The following PCLO variants were observed in gnomAD, a reference collection of about 807,000 sequenced individuals.
The protein encoded by PCLO is protein piccolo.
In PCLO, 82 loss-of-function variants were observed where a neutral mutation model predicts 427.5. The observed-to-expected ratio is 0.19, with a 90% CI of 0.16 to 0.23. The LOEUF (loss-of-function observed/expected upper bound fraction) is 0.23, where lower values mean the gene tolerates loss of function less well. PCLO is among the 10% of genes least tolerant of loss of function. The probability of loss-of-function intolerance (pLI) is 1.00; values close to 1 mark genes in which losing one functional copy is unlikely to be tolerated. For synonymous variants in PCLO, 2,357 were observed against 2,155.4 expected, an observed-to-expected ratio of 1.09 and a Z score of -2.59; for missense variants, 6,239 against 6,115.9, an observed-to-expected ratio of 1.02 and a Z score of -0.67.
chr7:82,916,018 G>A lies in PCLO; in HGVS notation c.11968C>T (p.Pro3990Ser), dbSNP rs1367797715. The change falls in exon 7 of 25, where the codon CCT becomes TCT. Residue 3990 changes from proline to serine, a missense_variant. By Grantham distance (74) the Pro-to-Ser change is moderately conservative (BLOSUM62 -1). This residue lies in a region of PCLO where 680 missense variants were observed against 677.3 expected (regional missense o/e 1.00). Coordinates refer to ENST00000333891, the MANE Select transcript of PCLO (RefSeq NM_033026.6). ...GCAAATGTGTTATCCGTAGAAACAG[G>A]TGCTATCATAAGGGGTTGGTTGCGA... ...VIRNQPLMIA[P>S]VSTDNTFAVS... The A allele has an allele frequency of 6.2e-7, 1 of 1,612,736 alleles. No homozygotes were observed. Among genetic ancestry groups the A allele is most frequent in the Non-Finnish European group, 8.5e-7 (1 of 1,179,774 alleles).
intron 3 of PCLO, among the ~76,000 whole-genome samples, chr7:83,009,891 T>G (rs1313314129): frequency 6.6e-6 from 1 of 151,900 alleles, no homozygotes; most frequent in Non-Finnish European, 1.5e-5. Flanking sequence ...TACTAAAGAT[T>G]CTCTAAATAG....
At chr7:82,985,757 G>C (rs925846990) in intron 3 of PCLO, among the ~76,000 whole-genome samples, 1 of 151,694 alleles carries the variant, frequency 6.6e-6, no homozygotes, top group African/African-American at 2.4e-5. Flanking sequence ...AATGTGTAAG[G>C]GTAGAAAGTC....
Position 82,952,262 on chromosome 7 carries a change from T to G in PCLO, c.8691A>C (p.Val2897=), listed in dbSNP as rs759678931. 1.9e-6 allele frequency: 3 copies of G among 1,613,974 alleles called. No homozygotes were observed. Among genetic ancestry groups the G allele is most frequent in the Middle Eastern group, 1.6e-4 (1 of 6,062 alleles). Residue 2897 remains valine, a synonymous_variant, in exon 5 of 25, where the codon GTA becomes GTC. Transcript: ENST00000333891. The part of the protein sequence containing the change: ...TVSQGITDGE[V]VDLSTTKSHR... ...GAGACTTGGTTGTACTGAGATCCAC[T>G]ACTTCCCCATCAGTGATTCCCTGGG...
Position 83,155,442 on chromosome 7 carries a change from G to T in PCLO, c.1199C>A (p.Thr400Asn). 6.2e-7 allele frequency: 1 copy of T among 1,613,796 alleles called. No individual in the cohort carries two copies. The highest frequency in any genetic ancestry group is 8.5e-7 in the Non-Finnish European group (1 of 1,179,836). ...TGCTGGCCCTGGCTGTTGAGCTGGA[G>T]TCTTTCCAACTCCAGGAGGCTGAGC... is the stretch of plus-strand genomic sequence containing the variant. The part of the protein sequence containing the change: ...ALAQPPGVGK[T>N]PAQQPGPAKP... Residue 400 changes from threonine to asparagine, a missense_variant, in exon 2 of 25, where the codon ACT (threonine) becomes AAT (asparagine). Physicochemically the swap from Thr to Asn is moderately conservative, Grantham distance 65. This residue lies in a region of PCLO where 4,677 missense variants were observed against 4,468.4 expected (regional missense o/e 1.05). Coordinates refer to ENST00000333891, the MANE Select transcript of PCLO (RefSeq NM_033026.6).
At chr7:82,794,574 C>T (rs1278448212) in intron 22 of PCLO, among the ~76,000 whole-genome samples, 13 of 147,366 alleles carry the variant, frequency 8.8e-5, no homozygotes, top group African/African-American at 2.7e-4. Flanking sequence ...TGGGCTCAAG[C>T]GATGCCCCCT....
chr7:83,091,020 TGTTTTAATGAGC>T (rs1790364760), intron 3 of PCLO, among the ~76,000 whole-genome samples: 1 of 152,142 alleles, frequency 6.6e-6, no homozygotes, highest in Non-Finnish European at 1.5e-5. Context: ...GCCTAAATGA[TGTTTTAATGAGC>T]ATTGAAGTAT....
At chr7:82,941,139 G>T (rs1044841492) in intron 6 of PCLO, among the ~76,000 whole-genome samples, 1 of 151,270 alleles carries the variant, frequency 6.6e-6, no homozygotes, top group Non-Finnish European at 1.5e-5. Context: ...TTGTTCTTTA[G>T]GTGAAATTAA....
Position 82,801,585 on chromosome 7 carries a change from C to T in PCLO, c.14940G>A (p.Lys4980=). The T allele has an allele frequency of 6.4e-7, 1 of 1,572,390 alleles. No individual in the cohort carries two copies. Among genetic ancestry groups the T allele is most frequent in the African/African-American group, 1.3e-5 (1 of 74,212 alleles). ...TNLFPIPRIG[K]MGQNGQEPVK... is the part of the protein sequence containing the mutation. ...CAGGCTCTTGTCCATTCTGTCCCAT[C>T]TTCCCTCTGTTTAGAAATAAAATAA... is the stretch of plus-strand genomic sequence containing the variant. The change falls in exon 22 of 25, where the codon AAG becomes AAA. Residue 4980 remains lysine, a synonymous_variant. Coordinates refer to ENST00000333891, the MANE Select transcript of PCLO (RefSeq NM_033026.6).
At chr7:82,776,219 A>C (rs1295307693) in intron 22 of PCLO, among the ~76,000 whole-genome samples, 2 of 152,210 alleles carry the variant, frequency 1.3e-5, no homozygotes, top group Non-Finnish European at 2.9e-5. Context: ...GTTAAATATT[A>C]CTAGAGGTAG....
chr7:82,820,956 C>T (rs1190203210), intron 20 of PCLO: 1 of 1,228,756 alleles, frequency 8.1e-7, no homozygotes, highest in Non-Finnish European at 1.0e-6. Context: ...TTGGGACTTA[C>T]ATGGTGATGA....
At chr7:83,138,223 T>G (rs1791777058) in intron 2 of PCLO, among the ~76,000 whole-genome samples, 1 of 152,240 alleles carries the variant, frequency 6.6e-6, no homozygotes, top group Admixed American at 6.5e-5. Context: ...ATTATAAATT[T>G]CCAGGATTAG....
chr7:82,880,756 A>G (rs748318839), intron 9 of PCLO, among the ~76,000 whole-genome samples: 13 of 152,222 alleles, frequency 8.5e-5, no homozygotes, highest in Non-Finnish European at 1.8e-4. Context: ...CCCTGTTTTA[A>G]TGAAAGCAAT....
intron 3 of PCLO, among the ~76,000 whole-genome samples, chr7:83,107,311 A>C (rs1790882748): frequency 6.6e-6 from 1 of 152,190 alleles, no homozygotes; most frequent in East Asian, 1.9e-4. Flanking sequence ...CATTGGAGTT[A>C]AGTGTTGTAA....
chr7:83,006,750 T>C (rs1343874424), intron 3 of PCLO, among the ~76,000 whole-genome samples: 1 of 151,410 alleles, frequency 6.6e-6, no homozygotes, highest in African/African-American at 2.4e-5. Flanking sequence ...CAAAAAAGTC[T>C]CTATAATATT....
intron 10 of PCLO, among the ~76,000 whole-genome samples, chr7:82,867,027 T>G (rs1793111690): frequency 6.6e-6 from 1 of 152,162 alleles, no homozygotes; most frequent in Admixed American, 6.5e-5. Context: ...CATTTCTTTA[T>G]TTCTGTATTT....
intron 10 of PCLO, among the ~76,000 whole-genome samples, chr7:82,864,334 G>C (rs1257558101): frequency 6.6e-6 from 1 of 152,088 alleles, no homozygotes; most frequent in East Asian, 1.9e-4. Context: ...CTACTATGGA[G>C]TAGGAACATC....
At chr7:83,159,609 T>C (rs1792383603) in intron 1 of PCLO, among the ~76,000 whole-genome samples, 1 of 152,060 alleles carries the variant, frequency 6.6e-6, no homozygotes, top group South Asian at 2.1e-4. Context: ...CTTTCAAATG[T>C]TAGCAGAAAA....
intron 3 of PCLO, among the ~76,000 whole-genome samples, chr7:82,998,782 A>T (rs1392104532): frequency 6.6e-6 from 1 of 151,870 alleles, no homozygotes; most frequent in Admixed American, 6.6e-5. Flanking sequence ...ATTACAAGGA[A>T]TACTCAAAGA....
At chr7:82,867,313 T>A (rs1167303630) in intron 10 of PCLO, among the ~76,000 whole-genome samples, 1 of 152,214 alleles carries the variant, frequency 6.6e-6, no homozygotes, top group Non-Finnish European at 1.5e-5. Flanking sequence ...CATGACATTA[T>A]GTTTCCTATA....
Sources: gnomAD v4.1 joint callset for allele counts (sites outside exome capture counted in the v4.1 genomes callset) on GRCh38, gnomAD v4.1.1 for gene constraint, gnomAD v4.1.1 regional missense constraint, MANE v1.5 for transcripts, NCBI Gene and HGNC (gene_info 2026-07-23, HGNC 2026-07-21) for gene names.